The following CHAF1A variants were observed in gnomAD, a reference collection of about 807,000 sequenced individuals.
CHAF1A encodes chromatin assembly factor 1 subunit A, also known as CAF-1 subunit A.
A neutral mutation model predicts 93.2 loss-of-function variants in CHAF1A; 5 were observed. The ratio of observed to expected loss-of-function variants is 0.05; its 90% CI spans 0.03 to 0.11. CHAF1A has a LOEUF of 0.11. Among genes scored for constraint, CHAF1A ranks in the 10% least tolerant of loss-of-function variants. The pLI is 1.00. For missense variants in CHAF1A, 1,102 were observed against 1,259.9 expected (o/e 0.87, Z 1.90); for synonymous variants, 504 against 510.3 (o/e 0.99, Z 0.17).
At chr19:4,403,266 T>G (rs928221201) in intron 1 of CHAF1A, among the ~76,000 whole-genome samples, 2 of 152,000 alleles carry the variant, frequency 1.3e-5, no homozygotes, top group African/African-American at 4.8e-5. Flanking sequence ...TAAGCCCGGG[T>G]AAGAAGAGGC....
chr19:4,425,232 T>C (rs1974060381), intron 7 of CHAF1A, among the ~76,000 whole-genome samples: 1 of 146,158 alleles, frequency 6.8e-6, no homozygotes, highest in South Asian at 2.2e-4. Context: ...AATGATATGG[T>C]TTCTCTCTTT....
At chr19:4,420,401 C>T (rs939822420) in intron 4 of CHAF1A, among the ~76,000 whole-genome samples, 4 of 152,086 alleles carry the variant, frequency 2.6e-5, no homozygotes, top group Non-Finnish European at 5.9e-5. Context: ...TGCCTTCATG[C>T]CCAGCTAATT....
chr19:4,432,993 G>A (rs1233203342), intron 12 of CHAF1A, 77 bp from the exon 13 acceptor site: 5 of 1,180,170 alleles, frequency 4.2e-6, no homozygotes, highest in African/African-American at 3.1e-5. Context: ...ATGAGCTTGT[G>A]TATGTGTTTT....
rs765787830 is a variant in CHAF1A at position 4,422,008 on chromosome 19, A to AT, written c.1018-541dup. On this transcript the variant is annotated intron_variant, in intron 4 of 14. Coordinates refer to ENST00000301280, the MANE Select transcript of CHAF1A (RefSeq NM_005483.3). This position sits in a 1 kb window ranked among gnomAD's most constrained non-coding sequence, Gnocchi z 4.6. Reference sequence around the variant, plus strand: ...GGGTACCCTCCACCACGCCTGGCTAATTTTTTTTTTTTTTTTTATTAAATG... The same window carrying AT: ...GGGTACCCTCCACCACGCCTGGCTAATTTTTTTTTTTTTTTTTTATTAAATG... Among the ~76,000 whole-genome samples, 1,411 of 138,258 alleles carry AT rather than the reference A, an allele frequency of 0.01. 10 individuals carry two copies. The highest frequency in any genetic ancestry group is 0.024 in the African/African-American group (917 of 37,656). The allele number at this position is 138,258 out of a possible 152,430, so 90.7% of individuals were successfully genotyped here.
At chr19:4,438,741 T>C (rs1249259211) in intron 13 of CHAF1A, among the ~76,000 whole-genome samples, 1 of 151,584 alleles carries the variant, frequency 6.6e-6, no homozygotes, top group East Asian at 2.0e-4. Context: ...CCCAGCACTT[T>C]GGGAGGCCGA....
chr19:4,415,605 T>C (rs1973884230), intron 3 of CHAF1A, among the ~76,000 whole-genome samples: 1 of 152,196 alleles, frequency 6.6e-6, no homozygotes, highest in East Asian at 1.9e-4. Context: ...GAGAGACAGA[T>C]GCTTTTTCTG....
In CHAF1A at chr19:4,422,245, C is replaced by T. The variant is rs11879431; in HGVS notation, c.1018-321C>T. On this transcript the variant is annotated intron_variant, in intron 4 of 14. Coordinates refer to ENST00000301280, the MANE Select transcript of CHAF1A (RefSeq NM_005483.3). The surrounding 1 kb of genome is among the most constrained non-coding windows in gnomAD (Gnocchi z 4.6). The stretch of plus-strand genomic sequence containing the variant: ...GCCAGGCTGGTCTCGAACTCCTGAC[C>T]TCAGGTGATCCACTTGCCTCGGCCT... Among the ~76,000 whole-genome samples the T allele has an allele frequency of 0.048, 7,280 of 152,182 alleles. 371 individuals carry two copies. Among genetic ancestry groups the T allele is most frequent in the African/African-American group, 0.13 (5,370 of 41,512 alleles).
In CHAF1A at chr19:4,409,027, AAAC is replaced by A. The variant is rs1283832551; in HGVS notation, c.232_234del (p.Asn78del). ...TAGAGGCCTCTTTGGACACCTTGGA[AAAC>A]AACTGTCATGTGGGTTCTGACATAG... On this transcript the variant is annotated inframe_deletion, in exon 3 of 15. Coordinates refer to ENST00000301280, the MANE Select transcript of CHAF1A (RefSeq NM_005483.3). 2 of 1,614,080 alleles carry A rather than the reference AAAC, an allele frequency of 1.2e-6. No individual in the cohort carries two copies. Among genetic ancestry groups the A allele is most frequent in the African/African-American group, 2.7e-5 (2 of 74,944 alleles).
chr19:4,426,662 C>T (rs1239622376), intron 7 of CHAF1A, among the ~76,000 whole-genome samples: 1 of 151,674 alleles, frequency 6.6e-6, no homozygotes, highest in African/African-American at 2.4e-5. Flanking sequence ...TTAGTAGAGA[C>T]GGGGTTTTTC....
chr19:4,448,380 CATG>C (rs1974584387), downstream of CHAF1A: 2 of 1,585,868 alleles, frequency 1.3e-6, no homozygotes, highest in Non-Finnish European at 1.7e-6. Flanking sequence ...TGTAGATCTT[CATG>C]ATGGAGGCGG....
intron 13 of CHAF1A, among the ~76,000 whole-genome samples, chr19:4,435,140 G>C (rs1974260913): frequency 7.3e-6 from 1 of 137,164 alleles, no homozygotes; most frequent in East Asian, 2.1e-4. Flanking sequence ...GCCCGGGCTG[G>C]AGTGCAGTGG....
downstream of CHAF1A, chr19:4,446,547 G>C (rs1260672362): frequency 6.2e-7 from 1 of 1,612,308 alleles, no homozygotes; most frequent in East Asian, 2.2e-5. Context: ...GGTTGAAGAA[G>C]TCCCCAGGCA....
chr19:4,428,613 C>T (rs1465878072), intron 7 of CHAF1A, 51 bp from the exon 8 acceptor site: 3 of 1,510,896 alleles, frequency 2.0e-6, no homozygotes, highest in Non-Finnish European at 2.8e-6. Context: ...TCCATGGTGC[C>T]TCCTTTCTCC....
In CHAF1A at chr19:4,429,461, G is replaced by A. The variant is rs768612225; in HGVS notation, c.1628G>A (p.Gly543Glu). ...AGTGATGTCGTCATCGTGGAGCGTG[G>A]GAAGGGCGACGGTGTTCCCGAGAGG... ...FNSDVVIVER[G>E]KGDGVPERRK... The change falls in exon 9 of 15, where the codon GGG becomes GAG. Residue 543 changes from glycine (G) to glutamate (E), a missense_variant. Physicochemically the swap from Gly to Glu is moderately conservative, Grantham distance 98. This residue lies in a region of CHAF1A where 335 missense variants were observed against 361.9 expected (regional missense o/e 0.93). Coordinates refer to ENST00000301280, the MANE Select transcript of CHAF1A (RefSeq NM_005483.3). The A allele has an allele frequency of 3.1e-6, 5 of 1,613,914 alleles. No homozygotes were observed. The highest frequency in any genetic ancestry group is 3.3e-5 in the Admixed American group (2 of 59,956).
chr19:4,420,300 C>T (rs904153011), intron 4 of CHAF1A, among the ~76,000 whole-genome samples: 3 of 151,676 alleles, frequency 2.0e-5, no homozygotes, highest in Non-Finnish European at 2.9e-5. Context: ...TGGAGTGCAG[C>T]GGCGTGATCT....
At position 4,430,614 on chromosome 19, in the gene CHAF1A, C is replaced by T. The variant is rs1377964475; in HGVS notation, c.1920C>T (p.Tyr640=). ...EDDGFFVPHG[Y]LSEDEGVTEE... ...ATGGTTTCTTTGTGCCCCATGGGTA[C>T]CTGTCTGAGGACGAAGGTGTGACAG... Residue 640 remains tyrosine (Y), a synonymous_variant, in exon 11 of 15, where the codon TAC becomes TAT. Transcript: ENST00000301280. The T allele has an allele frequency of 5.0e-6, 8 of 1,613,304 alleles. No individual in the cohort carries two copies. Among genetic ancestry groups the T allele is most frequent in the Non-Finnish European group, 4.2e-6 (5 of 1,179,862 alleles).
intron 3 of CHAF1A, among the ~76,000 whole-genome samples, chr19:4,411,356 A>G (rs541900605): frequency 6.6e-5 from 10 of 152,130 alleles, no homozygotes; most frequent in African/African-American, 2.2e-4. Flanking sequence ...CACCCTCTCA[A>G]GTAGCTGGGA....
At chr19:4,412,040 A>G (rs1292800902) in intron 3 of CHAF1A, among the ~76,000 whole-genome samples, 1 of 152,140 alleles carries the variant, frequency 6.6e-6, no homozygotes, top group Non-Finnish European at 1.5e-5. Context: ...TCAGGTACTA[A>G]GCCTAGTACC....
In CHAF1A at chr19:4,420,342, G is replaced by A. The variant is rs369153294; in HGVS notation, c.1018-2224G>A. On this transcript the variant is annotated intron_variant, in intron 4 of 14. Coordinates refer to ENST00000301280, the MANE Select transcript of CHAF1A (RefSeq NM_005483.3). ...CCTGCAACCTCCACCTCCCAGGTTC[G>A]AGCGATTCTCCTGCCTCGGTCTCCC... Among the ~76,000 whole-genome samples the A allele has an allele frequency of 3.2e-4, 49 of 151,940 alleles. No homozygotes were observed. In the South Asian group the frequency reaches 5.4e-3, roughly 17 times the overall value.
Sources: allele counts gnomAD v4.1 joint callset (sites outside exome capture counted in the v4.1 genomes callset), GRCh38; gene constraint gnomAD v4.1.1; regional missense constraint gnomAD v4.1.1; non-coding constraint Gnocchi (gnomAD v3.1); transcripts MANE v1.5; gene names NCBI Gene and HGNC (gene_info 2026-07-23, HGNC 2026-07-21).